The following HMG20A variants were observed in gnomAD, a reference collection of about 807,000 sequenced individuals.
HMG20A encodes the protein high mobility group 20A, also known as high mobility group protein 20A.
In HMG20A, 17 loss-of-function variants were observed where a neutral mutation model predicts 43.9. The observed-to-expected ratio is 0.39, with a 90% CI of 0.27 to 0.58. HMG20A has a LOEUF of 0.58. HMG20A is among the 20% of genes least tolerant of loss of function. The pLI is 0.59. For synonymous variants in HMG20A, 132 were observed against 147.5 expected (o/e 0.89, Z 0.76); for missense variants, 341 against 438.2 (o/e 0.78, Z 1.98).
chr15:77,471,096 C>T, intron 5 of HMG20A, 54 bp downstream of exon 5: 1 of 1,559,686 alleles, frequency 6.4e-7, no homozygotes, highest in Middle Eastern at 1.7e-4. Context: ...GATGGAGTGT[C>T]ATAAAGCCAA....
At chr15:77,502,085 T>C in the HMG20A span, among the ~76,000 whole-genome samples, 47 of 152,332 alleles carry the variant, frequency 3.1e-4, no homozygotes, top group Admixed American at 1.3e-3. Context: ...TTTTAAGTAG[T>C]TGAAAAAAAT....
At chr15:77,502,166 G>T in the HMG20A span, among the ~76,000 whole-genome samples, 1 of 152,188 alleles carries the variant, frequency 6.6e-6, no homozygotes, top group Non-Finnish European at 1.5e-5. Context: ...AAATAAAGTT[G>T]TATGAAATAC....
At chr15:77,463,155 C>A (rs372686441) in intron 2 of HMG20A, among the ~76,000 whole-genome samples, 1 of 152,132 alleles carries the variant, frequency 6.6e-6, no homozygotes, top group African/African-American at 2.4e-5. Context: ...ATTACAGTAA[C>A]CTCTTGATAG....
intron 4 of HMG20A, among the ~76,000 whole-genome samples, chr15:77,468,923 A>G (rs1270400867): frequency 6.6e-6 from 1 of 152,086 alleles, no homozygotes; most frequent in Non-Finnish European, 1.5e-5. Context: ...AAACTGGGAT[A>G]TTTCCATAAT....
chr15:77,507,610 T>C, the HMG20A span, among the ~76,000 whole-genome samples: 1 of 152,214 alleles, frequency 6.6e-6, no homozygotes, highest in African/African-American at 2.4e-5. Context: ...CGCGAAGGGC[T>C]GCGTGTCTCA....
chr15:77,477,381 TGTGA>T (rs2072866046), intron 6 of HMG20A, among the ~76,000 whole-genome samples, 170 bp from the exon 7 acceptor site: 1 of 152,252 alleles, frequency 6.6e-6, no homozygotes, highest in Admixed American at 6.5e-5. Flanking sequence ...GCTTAAGCTC[TGTGA>T]AAGTTGGATT....
intron 9 of HMG20A, among the ~76,000 whole-genome samples, chr15:77,480,690 T>A (rs1196949064): frequency 6.7e-6 from 1 of 149,268 alleles, no homozygotes; most frequent in Admixed American, 6.7e-5. Context: ...TTAAAAAATA[T>A]GTTCAACAAA....
chr15:77,422,588 C>T (rs1364744972), intron 1 of HMG20A, among the ~76,000 whole-genome samples: 1 of 152,118 alleles, frequency 6.6e-6, no homozygotes, highest in Non-Finnish European at 1.5e-5. Context: ...TGCACTCCAG[C>T]CTGGGCGACA....
At chr15:77,494,077 T>G in the HMG20A span, among the ~76,000 whole-genome samples, 1 of 152,196 alleles carries the variant, frequency 6.6e-6, no homozygotes, top group Non-Finnish European at 1.5e-5. Flanking sequence ...CCCTACCAAC[T>G]GCAGCCACCC....
rs2072931880 is a variant in HMG20A at position 77,484,534 on chromosome 15, G to A, written c.*1571G>A. 6.6e-6 allele frequency: 1 copy of A among 152,372 alleles called. No individual in the cohort carries two copies. Among genetic ancestry groups the A allele is most frequent in the Non-Finnish European group, 1.5e-5 (1 of 68,034 alleles). 9.4% of individuals were successfully genotyped at this position (152,372 alleles called of 1,614,324 possible). On this transcript the variant is annotated 3_prime_UTR_variant, in exon 10 of 10. Coordinates refer to ENST00000336216, the MANE Select transcript of HMG20A (RefSeq NM_001304504.2). Reference sequence around the variant, plus strand: ...ACCTGTCATGTTGCTACACCATCCTGTCTTCTCAGCATCTCCTTGCCTGTT... The same window carrying A: ...ACCTGTCATGTTGCTACACCATCCTATCTTCTCAGCATCTCCTTGCCTGTT...
the HMG20A span, among the ~76,000 whole-genome samples, chr15:77,508,237 A>G: frequency 1.3e-5 from 2 of 152,112 alleles, no homozygotes; most frequent in African/African-American, 4.8e-5. Context: ...CCCAACTCCC[A>G]GGTCCAGCCA....
chr15:77,458,622 C>G, intron 2 of HMG20A, 126 bp downstream of exon 2: 1 of 574,510 alleles, frequency 1.7e-6, no homozygotes, highest in Non-Finnish European at 3.1e-6. Context: ...TTTCACTTTG[C>G]AAAGAGAGTG....
At chr15:77,519,755 G>A in the HMG20A span, among the ~76,000 whole-genome samples, 1 of 152,208 alleles carries the variant, frequency 6.6e-6, no homozygotes, top group Non-Finnish European at 1.5e-5. Context: ...GTCATGGCAG[G>A]AAAGGACTGA....
the HMG20A span, among the ~76,000 whole-genome samples, chr15:77,504,781 C>T: frequency 6.6e-6 from 1 of 152,018 alleles, no homozygotes; most frequent in African/African-American, 2.4e-5. Context: ...TGGGGGGATG[C>T]AAAGGGCAGT....
At chr15:77,429,504 G>A (rs2073462299) in intron 1 of HMG20A, among the ~76,000 whole-genome samples, 1 of 151,864 alleles carries the variant, frequency 6.6e-6, no homozygotes, top group Admixed American at 6.6e-5. Context: ...TTGCTTGATG[G>A]CATCATAATT....
At chr15:77,465,762 T>C (rs1308570647) in intron 3 of HMG20A, among the ~76,000 whole-genome samples, 2 of 152,248 alleles carry the variant, frequency 1.3e-5, no homozygotes, top group Admixed American at 1.3e-4. Flanking sequence ...ATTTGCCCAG[T>C]GGTGAATTAT....
the HMG20A span, among the ~76,000 whole-genome samples, chr15:77,500,877 T>C: frequency 6.6e-6 from 1 of 152,258 alleles, no homozygotes; most frequent in South Asian, 2.1e-4. Context: ...CCCTCCCTGT[T>C]CTTTTTTAAA....
intron 2 of HMG20A, among the ~76,000 whole-genome samples, chr15:77,459,453 C>T (rs1011310553): frequency 2.6e-5 from 4 of 151,890 alleles, no homozygotes; most frequent in African/African-American, 9.7e-5. Flanking sequence ...ATAAGCAAAA[C>T]ATATACTATG....
rs2142371148 is a variant in HMG20A, at chr15:77,485,068, TGAGATTTCAAGA to T, written c.*2109_*2120del. The T allele has an allele frequency of 6.6e-6, 1 of 152,354 alleles. No individual in the cohort carries two copies. The highest frequency in any genetic ancestry group is 2.4e-5 in the African/African-American group (1 of 41,578). 9.4% of individuals were successfully genotyped at this position (152,354 alleles called of 1,614,324 possible). ...AAACATTTGCATATTCAGGAATGCATGAGATTTCAAGAGAGCCTACAGTATGAAATCATTTTC... is the reference window on the plus strand; with the variant it reads ...AAACATTTGCATATTCAGGAATGCATGAGCCTACAGTATGAAATCATTTTC... On this transcript the variant is annotated 3_prime_UTR_variant, in exon 10 of 10. Transcript: ENST00000336216.
Sources: allele counts gnomAD v4.1 joint callset (sites outside exome capture counted in the v4.1 genomes callset), GRCh38; gene constraint gnomAD v4.1.1; transcripts MANE v1.5; gene names NCBI Gene and HGNC (gene_info 2026-07-23, HGNC 2026-07-21).